The following PTPRZ1 variants were observed in gnomAD, a reference collection of about 807,000 sequenced individuals.
The protein encoded by PTPRZ1 is receptor-type tyrosine-protein phosphatase zeta.
A neutral mutation model predicts 214.1 loss-of-function variants in PTPRZ1; 82 were observed. That is an observed-to-expected ratio of 0.38 (90% CI 0.32 to 0.46). The LOEUF (loss-of-function observed/expected upper bound fraction) is 0.46, where lower values mean the gene tolerates loss of function less well. PTPRZ1 is among the 20% of genes least tolerant of loss of function. The pLI is 1.00. For synonymous variants in PTPRZ1, 945 were observed against 987.9 expected, an observed-to-expected ratio of 0.96 and a Z score of 0.81; for missense variants, 2,603 against 2,748.7, an observed-to-expected ratio of 0.95 and a Z score of 1.19.
At chr7:122,051,810 GTTGTTTTGTTTTGTT>G (rs367945464) in intron 24 of PTPRZ1, 41 bp from the exon 25 acceptor site, 11 of 1,410,152 alleles carry the variant, frequency 7.8e-6, no homozygotes, top group Admixed American at 3.5e-5. Context: ...GTGAGCATGA[GTTGTTTTGTTTTGTT>G]TTGTTTTGTT....
intron 29 of PTPRZ1, among the ~76,000 whole-genome samples, chr7:122,060,367 G>A (rs377081255): frequency 6.6e-6 from 1 of 152,174 alleles, no homozygotes; most frequent in East Asian, 1.9e-4. Context: ...CACAGTTCGC[G>A]AAAGCATTTA....
intron 2 of PTPRZ1, among the ~76,000 whole-genome samples, chr7:121,946,175 G>A (rs1479443949): frequency 6.6e-6 from 1 of 152,174 alleles, no homozygotes; most frequent in Non-Finnish European, 1.5e-5. Flanking sequence ...CAGAGAAATG[G>A]GAAAGGATTT....
In PTPRZ1 at chr7:122,012,700, T is replaced by C. The variant is rs767684253; in HGVS notation, c.3654T>C (p.Ser1218=). The stretch of plus-strand genomic sequence containing the variant: ...AAACCCCCAAAGTTGATAAAATTAG[T>C]TCTACAATGTTGCATCTCATTGTAT... The part of the protein sequence containing the change: ...LVETPKVDKI[S]STMLHLIVSN... The change falls in exon 12 of 30, where the codon AGT becomes AGC. Residue 1218 remains serine (S), a synonymous_variant. Coordinates refer to ENST00000393386, the MANE Select transcript of PTPRZ1 (RefSeq NM_002851.3). 1 of 1,608,784 alleles carries C rather than the reference T, an allele frequency of 6.2e-7. No individual in the cohort carries two copies. The highest frequency in any genetic ancestry group is 1.3e-5 in the African/African-American group (1 of 74,906).
At chr7:121,987,231 C>T (rs1281036218) in intron 8 of PTPRZ1, among the ~76,000 whole-genome samples, 1 of 133,516 alleles carries the variant, frequency 7.5e-6, no homozygotes, top group Non-Finnish European at 1.6e-5. Flanking sequence ...TGACCCTCCT[C>T]TTTGGTCAGT....
chr7:122,031,592 T>G (rs757189859), intron 15 of PTPRZ1, 33 bp downstream of exon 15: 14 of 1,420,992 alleles, frequency 9.9e-6, no homozygotes, highest in Non-Finnish European at 1.4e-5. Flanking sequence ...TTAAATAATA[T>G]AGAAAATAGT....
intron 18 of PTPRZ1, among the ~76,000 whole-genome samples, chr7:122,037,216 A>C (rs1799574944): frequency 6.6e-6 from 1 of 151,056 alleles, no homozygotes; most frequent in African/African-American, 2.4e-5. Context: ...CAGAGTTTGC[A>C]GTGAGCCGAG....
rs200408711 is a variant in PTPRZ1, at chr7:122,059,907, A to C, written c.6807+19A>C. The C allele has an allele frequency of 1.2e-3, 1,945 of 1,602,920 alleles. 38 individuals carry two copies. The South Asian group carries it at 0.021, about 17-fold the overall frequency. On this transcript the variant is annotated intron_variant, in intron 29 of 29. Transcript: ENST00000393386. ...TGACATTGTAAGTAACAAGGCAGTG[A>C]ACGAAATTTTTCACTGATAGAGTAC...
chr7:121,957,929 A>G (rs547992957), intron 2 of PTPRZ1, among the ~76,000 whole-genome samples: 8 of 152,218 alleles, frequency 5.3e-5, no homozygotes, highest in African/African-American at 1.9e-4. Context: ...CGTTAGGCTA[A>G]TAATAGTCTA....
chr7:121,886,062 T>C (rs1049671175), intron 1 of PTPRZ1, among the ~76,000 whole-genome samples: 5 of 152,144 alleles, frequency 3.3e-5, no homozygotes, highest in Admixed American at 6.6e-5. Flanking sequence ...AACATGAGGC[T>C]TTGAGACTGT....
intron 8 of PTPRZ1, among the ~76,000 whole-genome samples, chr7:121,993,389 A>G (rs1798031124): frequency 6.6e-6 from 1 of 151,330 alleles, no homozygotes. Flanking sequence ...CGGCTAACAC[A>G]GTGAAACCTC....
chr7:121,922,410 A>G (rs1227629761), intron 1 of PTPRZ1, among the ~76,000 whole-genome samples: 2 of 152,068 alleles, frequency 1.3e-5, no homozygotes, highest in Non-Finnish European at 2.9e-5. Flanking sequence ...TAAAAAAATT[A>G]GCTGGGCATG....
intron 2 of PTPRZ1, among the ~76,000 whole-genome samples, chr7:121,943,344 T>G (rs1328388742): frequency 6.6e-6 from 1 of 152,080 alleles, no homozygotes; most frequent in Non-Finnish European, 1.5e-5. Flanking sequence ...ATTTATGTAT[T>G]TATTTATTTT....
At chr7:122,029,840 C>A (rs879373759) in intron 14 of PTPRZ1, among the ~76,000 whole-genome samples, 1 of 151,210 alleles carries the variant, frequency 6.6e-6, no homozygotes, top group Non-Finnish European at 1.5e-5. Flanking sequence ...TGCTATTTTT[C>A]CTCTTTTGTC....
intron 1 of PTPRZ1, among the ~76,000 whole-genome samples, chr7:121,876,105 A>G (rs953099609): frequency 3.9e-5 from 6 of 152,348 alleles, no homozygotes; most frequent in African/African-American, 1.2e-4. Flanking sequence ...ATCATTTTGT[A>G]TCTAAAATGT....
At chr7:121,978,375 G>A (rs1350740006) in intron 6 of PTPRZ1, among the ~76,000 whole-genome samples, 1 of 152,160 alleles carries the variant, frequency 6.6e-6, no homozygotes, top group African/African-American at 2.4e-5. Context: ...ATGTGTAAAA[G>A]AAAGAGATTG....
chr7:121,903,966 TCACACACACACA>T (rs57176542), intron 1 of PTPRZ1, among the ~76,000 whole-genome samples: 3 of 123,846 alleles, frequency 2.4e-5, no homozygotes, highest in Non-Finnish European at 5.3e-5. Flanking sequence ...TCTTTAAATC[TCACACACACACA>T]CACACACACA....
rs748245145 is a variant in PTPRZ1, at chr7:121,928,191, CTTG to C, written c.98_100del (p.Val33del). ...TGGATACTACAGACAACAGAGAAAA[CTTG>C]TTGAAGAGATTGGCTGGTCCTATAC... is the stretch of plus-strand genomic sequence containing the variant. On this transcript the variant is annotated inframe_deletion, in exon 2 of 30. Coordinates refer to ENST00000393386, the MANE Select transcript of PTPRZ1 (RefSeq NM_002851.3). 1.2e-6 allele frequency: 2 copies of C among 1,612,354 alleles called. No homozygotes were observed. The highest frequency in any genetic ancestry group is 3.3e-5 in the Admixed American group (2 of 59,984).
At chr7:121,941,507 T>C (rs1452539632) in intron 2 of PTPRZ1, among the ~76,000 whole-genome samples, 2 of 152,250 alleles carry the variant, frequency 1.3e-5, no homozygotes, top group Non-Finnish European at 2.9e-5. Flanking sequence ...AGCAGTCATT[T>C]CTGGAAAGTG....
At chr7:121,873,676 A>G in intron 1 of PTPRZ1, 119 bp downstream of exon 1, 1 of 1,258,046 alleles carries the variant, frequency 7.9e-7, no homozygotes, top group Non-Finnish European at 1.1e-6. Flanking sequence ...GGAAAAAGGG[A>G]CAGCCAACTG....
Sources: gnomAD v4.1 joint callset for allele counts (sites outside exome capture counted in the v4.1 genomes callset) on GRCh38, gnomAD v4.1.1 for gene constraint, MANE v1.5 for transcripts, NCBI Gene and HGNC (gene_info 2026-07-23, HGNC 2026-07-21) for gene names.